FIG4: variants seen among roughly 807,000 people sequenced by gnomAD.
FIG4 encodes FIG4 phosphoinositide 5-phosphatase, also known as polyphosphoinositide phosphatase.
A neutral mutation model predicts 118.6 loss-of-function variants in FIG4; 112 were observed. The observed-to-expected ratio is 0.94, with a 90% CI of 0.81 to 1.11. The LOEUF (loss-of-function observed/expected upper bound fraction) is 1.11, where lower values mean the gene tolerates loss of function less well. FIG4 is among the 50% of genes least tolerant of loss of function. The pLI is 0.00. For missense variants in FIG4, 969 were observed against 1,111.7 expected (o/e 0.87, Z 1.83); for synonymous variants, 369 against 381.2 (o/e 0.97, Z 0.37).
intron 1 of FIG4, among the ~76,000 whole-genome samples, chr6:109,705,469 CTGTT>C (rs748740134): frequency 1.7e-4 from 26 of 152,168 alleles, no homozygotes; most frequent in South Asian, 6.2e-4. Flanking sequence ...GATTCTTAGA[CTGTT>C]TGAGAAGAGA....
In FIG4 at chr6:109,691,409, G is replaced by A. The variant is rs1428868950; in HGVS notation, c.-27G>A. 2.6e-6 allele frequency: 4 copies of A among 1,562,152 alleles called. No individual in the cohort carries two copies. Among genetic ancestry groups the A allele is most frequent in the Non-Finnish European group, 3.5e-6 (4 of 1,152,384 alleles). ...GGGGCGGTCCGGAGGCTCGTGCCCT[G>A]TTGTGGGGCCCCCATTTGCCGCCGC... On this transcript the variant is annotated 5_prime_UTR_variant, in exon 1 of 23. Transcript: ENST00000230124.
At chr6:109,796,930 A>C in intron 22 of FIG4, 79 bp downstream of exon 22, 2 of 880,340 alleles carry the variant, frequency 2.3e-6, no homozygotes, top group Non-Finnish European at 3.8e-6. Context: ...CTTTTTAAGA[A>C]AAAGATTCAC....
intron 5 of FIG4, among the ~76,000 whole-genome samples, chr6:109,733,559 A>G (rs1411541316): frequency 3.3e-5 from 5 of 152,112 alleles, no homozygotes; most frequent in Non-Finnish European, 5.9e-5. Context: ...AATTATTAAT[A>G]TAGTTAACCA....
Position 109,762,134 on chromosome 6 carries a change from A to G in FIG4, c.1315A>G (p.Ser439Gly). ...VLDRLNVIAE[S>G]VVKKTGFFVN... The stretch of plus-strand genomic sequence containing the variant: ...TGATCGACTAAATGTGATTGCAGAA[A>G]GTGTGGTGAAGAAAACAGGTTTCTT... Residue 439 changes from serine to glycine, a missense_variant, in exon 12 of 23, where the codon AGT becomes GGT. This residue lies in a region of FIG4 where 246 missense variants were observed against 354.3 expected (regional missense o/e 0.69). Transcript: ENST00000230124. 1.9e-6 allele frequency: 3 copies of G among 1,613,794 alleles called. No homozygotes were observed. The South Asian group carries it at 3.3e-5, about 18-fold the overall frequency.
intron 10 of FIG4, among the ~76,000 whole-genome samples, chr6:109,757,517 G>A (rs1196235990): frequency 6.6e-6 from 1 of 152,130 alleles, no homozygotes. Flanking sequence ...TACTGAATGG[G>A]CAAAAGCTGG....
chr6:109,707,279 G>GTGTATA (rs1554298616), intron 1 of FIG4, among the ~76,000 whole-genome samples: 2 of 145,430 alleles, frequency 1.4e-5, no homozygotes, highest in African/African-American at 5.1e-5. Flanking sequence ...GTGTGTGTGT[G>GTGTATA]TATATATATA....
At chr6:109,768,045 G>A (rs533065108) in intron 15 of FIG4, among the ~76,000 whole-genome samples, 47 of 152,336 alleles carry the variant, frequency 3.1e-4, no homozygotes, top group African/African-American at 1.1e-3. Context: ...CTGAAGCAGA[G>A]GGATGGGCTG....
At chr6:109,716,828 G>A (rs1258225050) in intron 3 of FIG4, among the ~76,000 whole-genome samples, 2 of 152,256 alleles carry the variant, frequency 1.3e-5, no homozygotes, top group South Asian at 4.1e-4. Context: ...GGAGGTTGCT[G>A]TCTGTCTCAT....
At chr6:109,764,204 C>T (rs954023113) in intron 13 of FIG4, among the ~76,000 whole-genome samples, 6 of 151,870 alleles carry the variant, frequency 4.0e-5, no homozygotes, top group Admixed American at 2.6e-4. Flanking sequence ...TTTGGGAGGC[C>T]GGAGTGGGCA....
Position 109,765,033 on chromosome 6 carries a change from CTG to C in FIG4, c.1460_1461del (p.Val487GlyfsTer29). Reference protein sequence around the residue: ...RLQTGILRTNCVDCLDRTNTA... With the variant: ...RLQTGILRTNXVDCLDRTNTA... ...TTTAGACTGGCATCCTTCGAACCAA[CTG>C]TGTGGACTGTTTAGATCGCACCAAC... is the stretch of plus-strand genomic sequence containing the variant. On this transcript the variant is annotated frameshift_variant, in exon 14 of 23. Coordinates refer to ENST00000230124, the MANE Select transcript of FIG4 (RefSeq NM_014845.6). LOFTEE classifies it high-confidence loss of function. The C allele has an allele frequency of 1.2e-6, 2 of 1,614,010 alleles. No homozygotes were observed. Among genetic ancestry groups the C allele is most frequent in the Non-Finnish European group, 1.7e-6 (2 of 1,179,880 alleles).
chr6:109,766,617 T>A, intron 14 of FIG4, 112 bp from the exon 15 acceptor site: 1 of 864,850 alleles, frequency 1.2e-6, no homozygotes, highest in Non-Finnish European at 1.9e-6. Flanking sequence ...GAATCTAACT[T>A]GAAAGGCTCA....
At chr6:109,756,986 C>G (rs904874351) in intron 10 of FIG4, among the ~76,000 whole-genome samples, 2 of 152,162 alleles carry the variant, frequency 1.3e-5, no homozygotes, top group African/African-American at 4.8e-5. Flanking sequence ...TGAGGAACTG[C>G]ATTCCTCAGA....
chr6:109,786,177 C>T (rs1777949631), intron 17 of FIG4, 125 bp from the exon 18 acceptor site: 2 of 768,678 alleles, frequency 2.6e-6, no homozygotes, highest in East Asian at 5.2e-5. Context: ...GGAGCTTACC[C>T]TCGGTCAGGG....
In FIG4 at chr6:109,693,442, C is replaced by G. The variant is rs371827880; in HGVS notation, c.66+1941C>G. Among the ~76,000 whole-genome samples the G allele has an allele frequency of 4.6e-5, 7 of 152,282 alleles. No individual in the cohort carries two copies. In the South Asian group the frequency reaches 8.3e-4, roughly 18 times the overall value. On this transcript the variant is annotated intron_variant, in intron 1 of 22. Coordinates refer to ENST00000230124, the MANE Select transcript of FIG4 (RefSeq NM_014845.6). The stretch of plus-strand genomic sequence containing the variant: ...CTCAATAGATGTGGATTAAGGAGCT[C>G]TAACACAAAGAGATAGAGGTGTGTT...
intron 21 of FIG4, among the ~76,000 whole-genome samples, chr6:109,794,781 G>C (rs1052106792): frequency 3.3e-5 from 5 of 152,188 alleles, no homozygotes; most frequent in African/African-American, 1.2e-4. Flanking sequence ...AGTAGACAGT[G>C]ACCTAGCCTG....
At chr6:109,764,423 G>A (rs950810842) in intron 13 of FIG4, among the ~76,000 whole-genome samples, 17 of 146,378 alleles carry the variant, frequency 1.2e-4, no homozygotes, top group South Asian at 2.2e-4. Context: ...GGGTGACAGA[G>A]CAAGACTCTG....
At chr6:109,813,870 A>G (rs778200465) in intron 22 of FIG4, among the ~76,000 whole-genome samples, 4 of 152,172 alleles carry the variant, frequency 2.6e-5, no homozygotes, top group Admixed American at 1.3e-4. Flanking sequence ...CCTGTCAACC[A>G]AGTGAGTAAA....
rs79548908 is a variant in FIG4, at chr6:109,732,467, A to G, written c.447-170A>G. 2.8e-3 allele frequency among the ~76,000 whole-genome samples: 428 copies of G among 152,326 alleles called. 1 individual carries two copies. The highest frequency in any genetic ancestry group is 9.8e-3 in the African/African-American group (409 of 41,586). On this transcript the variant is annotated intron_variant, in intron 4 of 22. Transcript: ENST00000230124. ...AAAGTTAAAGGTCTCCAAAGGGATG[A>G]TCAATAGACCTAGAATTGCTTTGGA...
intron 4 of FIG4, among the ~76,000 whole-genome samples, chr6:109,728,522 A>G (rs1775887681): frequency 6.6e-6 from 1 of 152,190 alleles, no homozygotes; most frequent in Non-Finnish European, 1.5e-5. Flanking sequence ...TATATCCTGT[A>G]CTTTTGTAGT....
Sources: gnomAD v4.1 joint callset for allele counts (sites outside exome capture counted in the v4.1 genomes callset) on GRCh38, gnomAD v4.1.1 for gene constraint, gnomAD v4.1.1 regional missense constraint, MANE v1.5 for transcripts, NCBI Gene and HGNC (gene_info 2026-07-23, HGNC 2026-07-21) for gene names.